Variants in GRIK2 observed in about 807,000 individuals in gnomAD.
GRIK2 encodes glutamate receptor ionotropic, kainate 2.
In GRIK2, 32 loss-of-function variants were observed where a neutral mutation model predicts 100.3. That is an observed-to-expected ratio of 0.32 (90% CI 0.24 to 0.43). GRIK2 has a LOEUF of 0.43. Ranked by LOEUF, GRIK2 falls within the 20% of genes least tolerant of loss-of-function variation. The pLI, the probability that GRIK2 is intolerant of heterozygous loss-of-function variation, is 1.00. For missense variants in GRIK2, 843 were observed against 1,114.9 expected, an observed-to-expected ratio of 0.76 and a Z score of 3.47; for synonymous variants, 417 against 389.4, an observed-to-expected ratio of 1.07 and a Z score of -0.83.
intron 7 of GRIK2, among the ~76,000 whole-genome samples, chr6:101,776,260 T>C (rs1260622019): frequency 6.6e-6 from 1 of 152,150 alleles, no homozygotes; most frequent in East Asian, 1.9e-4. Flanking sequence ...ATGAACACAG[T>C]CAATGGCCTA....
chr6:102,026,263 G>A (rs138618677), intron 14 of GRIK2, among the ~76,000 whole-genome samples: 1 of 150,014 alleles, frequency 6.7e-6, no homozygotes, highest in African/African-American at 2.4e-5. Flanking sequence ...TATCTTTACA[G>A]AGCTTTATGG....
chr6:102,039,318 A>G (rs1008315442), intron 15 of GRIK2, among the ~76,000 whole-genome samples: 2 of 151,540 alleles, frequency 1.3e-5, no homozygotes, highest in African/African-American at 4.8e-5. Context: ...TTGGAGTGAC[A>G]TTAAATTCCT....
At chr6:101,950,730 T>C in intron 14 of GRIK2, among the ~76,000 whole-genome samples, 1 of 152,156 alleles carries the variant, frequency 6.6e-6, no homozygotes, top group African/African-American at 2.4e-5. Flanking sequence ...TTTGTCTTTA[T>C]TTTTTGTAGC....
intron 14 of GRIK2, among the ~76,000 whole-genome samples, chr6:102,015,932 G>A (rs1795811332): frequency 6.6e-6 from 1 of 152,088 alleles, no homozygotes; most frequent in Non-Finnish European, 1.5e-5. Context: ...AATGAAGCCA[G>A]TTGACTGAAC....
intron 12 of GRIK2, among the ~76,000 whole-genome samples, chr6:101,894,048 A>G (rs1045221352): frequency 2.6e-5 from 4 of 151,624 alleles, no homozygotes; most frequent in African/African-American, 4.8e-5. Flanking sequence ...TGTTGTCATT[A>G]GACTACTAGA....
In GRIK2 at chr6:101,610,700, G is replaced by A. The variant is rs988250830; in HGVS notation, c.116-11249G>A. Reference sequence around the variant, plus strand: ...TTTCACCTGATCCCTTCATTTTGCAGAAGAGATGATGGAGGTCTGGGGAGT... The same window carrying A: ...TTTCACCTGATCCCTTCATTTTGCAAAAGAGATGATGGAGGTCTGGGGAGT... On this transcript the variant is annotated intron_variant, in intron 2 of 16. Coordinates refer to ENST00000369134, the MANE Select transcript of GRIK2 (RefSeq NM_021956.5). Among the ~76,000 whole-genome samples, 3 of 151,912 alleles carry A rather than the reference G, an allele frequency of 2.0e-5. No homozygotes were observed. In the East Asian group the frequency reaches 5.8e-4, roughly 30 times the overall value.
At chr6:101,975,777 A>G (rs1017666105) in intron 14 of GRIK2, among the ~76,000 whole-genome samples, 28 of 141,400 alleles carry the variant, frequency 2.0e-4, no homozygotes, top group Admixed American at 9.3e-4. Flanking sequence ...CTATGTGTCT[A>G]TCTGTCTGTC....
intron 7 of GRIK2, among the ~76,000 whole-genome samples, chr6:101,726,811 G>C (rs1020639821): frequency 6.6e-6 from 1 of 151,912 alleles, no homozygotes; most frequent in African/African-American, 2.4e-5. Context: ...ATAAGTTTAT[G>C]TTTCTAAATA....
intron 13 of GRIK2, 191 bp from the exon 14 acceptor site, chr6:101,928,223 TA>T: frequency 1.7e-6 from 1 of 591,202 alleles, no homozygotes; most frequent in Non-Finnish European, 3.0e-6. Context: ...AAGAATGTCC[TA>T]AAAGATTGTC....
chr6:101,849,813 GTTTTTT>G (rs36010543), intron 10 of GRIK2, among the ~76,000 whole-genome samples: 11 of 53,890 alleles, frequency 2.0e-4, no homozygotes, highest in African/African-American at 7.3e-4. Flanking sequence ...AAAAAGGAGG[GTTTTTT>G]TTTTTTTTTT....
intron 7 of GRIK2, among the ~76,000 whole-genome samples, chr6:101,793,736 A>G (rs1312347534): frequency 2.0e-5 from 3 of 152,112 alleles, no homozygotes; most frequent in African/African-American, 7.2e-5. Context: ...TGCTCTCTTC[A>G]AAGCTGTCAG....
chr6:101,421,217 C>T (rs931804003), intron 2 of GRIK2, among the ~76,000 whole-genome samples: 20 of 152,310 alleles, frequency 1.3e-4, no homozygotes, highest in African/African-American at 4.6e-4. Context: ...CTACCTTCTG[C>T]TCTGAGGAGC....
intron 14 of GRIK2, among the ~76,000 whole-genome samples, chr6:102,026,302 C>A (rs1326519323): frequency 2.0e-5 from 3 of 150,162 alleles, no homozygotes; most frequent in East Asian, 2.0e-4. Context: ...GATGAGTTTT[C>A]TCATTTATTT....
At position 101,572,233 on chromosome 6, in the gene GRIK2, G is replaced by A. The variant is rs544144675; in HGVS notation, c.116-49716G>A. ...AAACAAATTATCACAATATTTGGTAGCAAATTCTTTCTAATGCCTTTTTAT... is the reference window on the plus strand; with the variant it reads ...AAACAAATTATCACAATATTTGGTAACAAATTCTTTCTAATGCCTTTTTAT... On this transcript the variant is annotated intron_variant, in intron 2 of 16. Transcript: ENST00000369134. 2.6e-5 allele frequency among the ~76,000 whole-genome samples: 4 copies of A among 152,196 alleles called. No homozygotes were observed. In the South Asian group the frequency reaches 6.2e-4, roughly 24 times the overall value.
chr6:101,651,886 T>A (rs1781812747), intron 4 of GRIK2, among the ~76,000 whole-genome samples: 1 of 152,194 alleles, frequency 6.6e-6, no homozygotes, highest in Non-Finnish European at 1.5e-5. Flanking sequence ...ATCACAGAAG[T>A]GAGTATAAAC....
At chr6:101,966,592 G>A (rs967115302) in intron 14 of GRIK2, among the ~76,000 whole-genome samples, 3 of 152,086 alleles carry the variant, frequency 2.0e-5, no homozygotes, top group African/African-American at 4.8e-5. Context: ...AGCACATAAT[G>A]CAATCAATGG....
intron 2 of GRIK2, among the ~76,000 whole-genome samples, chr6:101,438,691 TAA>T (rs1769875179): frequency 6.6e-6 from 1 of 152,028 alleles, no homozygotes; most frequent in Non-Finnish European, 1.5e-5. Context: ...TAAATATATA[TAA>T]GGTAAGATTT....
At chr6:102,012,556 C>A (rs1033478565) in intron 14 of GRIK2, among the ~76,000 whole-genome samples, 2 of 151,924 alleles carry the variant, frequency 1.3e-5, no homozygotes, top group Non-Finnish European at 2.9e-5. Flanking sequence ...TCAAATAGAC[C>A]TTGTGCATAT....
At chr6:101,820,492 C>G (rs899089883) in intron 10 of GRIK2, among the ~76,000 whole-genome samples, 1 of 152,150 alleles carries the variant, frequency 6.6e-6, no homozygotes, top group East Asian at 1.9e-4. Context: ...TGTTGCCAGT[C>G]TGGAGTGCAG....
Sources: gnomAD v4.1 joint callset for allele counts (sites outside exome capture counted in the v4.1 genomes callset) on GRCh38, gnomAD v4.1.1 for gene constraint, MANE v1.5 for transcripts, NCBI Gene and HGNC (gene_info 2026-07-23, HGNC 2026-07-21) for gene names.